CYP2E1: variants seen among roughly 807,000 people sequenced by gnomAD.
CYP2E1 encodes cytochrome P450 family 2 subfamily E member 1.
CYP2E1 carries 31 observed loss-of-function variants against 42.9 expected under a neutral mutation model. The ratio of observed to expected loss-of-function variants is 0.72; its 90% CI spans 0.54 to 0.98. CYP2E1 has a LOEUF of 0.98. Among genes scored for constraint, CYP2E1 ranks in the 50% least tolerant of loss-of-function variants. The probability of loss-of-function intolerance (pLI) is 0.00; values close to 1 mark genes in which losing one functional copy is unlikely to be tolerated. For missense variants in CYP2E1, 565 were observed against 633.2 expected, an observed-to-expected ratio of 0.89 and a Z score of 1.16; for synonymous variants, 244 against 248.9, an observed-to-expected ratio of 0.98 and a Z score of 0.19.
At chr10:133,537,380 C>A in intron 7 of CYP2E1, 130 bp downstream of exon 7, 2 of 852,462 alleles carry the variant, frequency 2.3e-6, no homozygotes, top group East Asian at 2.6e-5. Flanking sequence ...AAGGGCTGGC[C>A]CCACTCCCAC....
At position 133,539,082 on chromosome 10, in the gene CYP2E1, C is replaced by A; in HGVS notation, c.*118C>A. On this transcript the variant is annotated 3_prime_UTR_variant, in exon 9 of 9. Transcript: ENST00000252945. Reference sequence around the variant, plus strand: ...ATGAGTATTTGAAAATAAATATTTTCCCAGAATATAAATAAATCATCACAT... The same window carrying A: ...ATGAGTATTTGAAAATAAATATTTTACCAGAATATAAATAAATCATCACAT... 2.8e-6 allele frequency: 2 copies of A among 718,678 alleles called. No homozygotes were observed. Among genetic ancestry groups the A allele is most frequent in the Non-Finnish European group, 4.2e-6 (2 of 471,418 alleles). The allele number at this position is 718,678 out of a possible 1,614,324, so 44.5% of individuals were successfully genotyped here. A position where few individuals can be genotyped will look rare whatever the true frequency, so the allele number is the denominator to read the frequency against.
At chr10:133,527,886 G>A (rs1235010826) in intron 1 of CYP2E1, among the ~76,000 whole-genome samples, 2 of 152,242 alleles carry the variant, frequency 1.3e-5, no homozygotes, top group Non-Finnish European at 2.9e-5. Flanking sequence ...CTCGCTGGGC[G>A]TCCGCCTGTG....
chr10:133,535,702 AT>A (rs1564849330), intron 6 of CYP2E1, among the ~76,000 whole-genome samples: 1 of 152,202 alleles, frequency 6.6e-6, no homozygotes, highest in Non-Finnish European at 1.5e-5. Flanking sequence ...TTGAACGTTT[AT>A]TAACATTTTG....
At chr10:133,528,304 C>T (rs952848210) in intron 1 of CYP2E1, 177 bp from the exon 2 acceptor site, 1 of 681,686 alleles carries the variant, frequency 1.5e-6, no homozygotes, top group Non-Finnish European at 2.4e-6. Flanking sequence ...CCTGCAGACG[C>T]AGCAGCCTCT....
At chr10:133,537,442 G>A in intron 7 of CYP2E1, 192 bp downstream of exon 7, 3 of 628,560 alleles carry the variant, frequency 4.8e-6, no homozygotes, top group Non-Finnish European at 5.4e-6. Flanking sequence ...GGTGACCAGA[G>A]AGGTGGAGGA....
In CYP2E1 at chr10:133,532,161, G is replaced by A. The variant is rs749371010; in HGVS notation, c.525G>A (p.Ala175=). 1.2e-5 allele frequency: 19 copies of A among 1,613,746 alleles called. No individual in the cohort carries two copies. The highest frequency in any genetic ancestry group is 4.4e-5 in the South Asian group (4 of 91,066). ...PFDPTFLIGC[A]PCNVIADILF... Reference sequence around the variant, plus strand: ...ACCCCACCTTCCTCATCGGCTGCGCGCCCTGCAACGTCATAGCCGACATCC... The same window carrying A: ...ACCCCACCTTCCTCATCGGCTGCGCACCCTGCAACGTCATAGCCGACATCC... Residue 175 remains alanine, a synonymous_variant, in exon 4 of 9, where the codon GCG becomes GCA. Coordinates refer to ENST00000252945, the MANE Select transcript of CYP2E1 (RefSeq NM_000773.4).
In CYP2E1 at chr10:133,532,208, A is replaced by T; in HGVS notation, c.572A>T (p.Tyr191Phe). 6.2e-7 allele frequency: 1 copy of T among 1,613,986 alleles called. No homozygotes were observed. The highest frequency in any genetic ancestry group is 8.5e-7 in the Non-Finnish European group (1 of 1,179,990). ...ADILFRKHFDYNDEKFLRLMY... is the reference protein window; with the variant it reads ...ADILFRKHFDFNDEKFLRLMY... ...ATCCTCTTCCGCAAGCATTTTGACT[A>T]CAATGATGAGAAGTTTCTAAGGCTG... is the stretch of plus-strand genomic sequence containing the variant. Residue 191 changes from tyrosine to phenylalanine, a missense_variant, in exon 4 of 9, where the codon TAC becomes TTC. By Grantham distance (22) the Tyr-to-Phe change is conservative. Coordinates refer to ENST00000252945, the MANE Select transcript of CYP2E1 (RefSeq NM_000773.4).
chr10:133,530,309 G>A (rs904597824), intron 2 of CYP2E1, among the ~76,000 whole-genome samples: 2 of 152,150 alleles, frequency 1.3e-5, no homozygotes, highest in Non-Finnish European at 2.9e-5. Context: ...GAGAAAGTTT[G>A]GTTCCCAACC....
intron 7 of CYP2E1, chr10:133,537,487 G>A (rs1851419857): frequency 1.7e-6 from 1 of 600,366 alleles, no homozygotes; most frequent in Non-Finnish European, 2.9e-6. Flanking sequence ...TAGTGCCTGG[G>A]ACTGTAGTGA....
chr10:133,537,373 G>A, intron 7 of CYP2E1, 123 bp downstream of exon 7: 1 of 943,804 alleles, frequency 1.1e-6, no homozygotes, highest in Non-Finnish European at 1.6e-6. Flanking sequence ...TGAGGGGAAG[G>A]GCTGGCCCCA....
chr10:133,537,655 C>G, intron 7 of CYP2E1, 96 bp from the exon 8 acceptor site: 2 of 1,054,762 alleles, frequency 1.9e-6, no homozygotes, highest in Non-Finnish European at 2.8e-6. Context: ...TCCTATATAG[C>G]ATAATATTCA....
rs1433319688 is a variant in CYP2E1 at position 133,532,724 on chromosome 10, C to A, written c.681C>A (p.Tyr227Ter). 1 of 1,609,536 alleles carries A rather than the reference C, an allele frequency of 6.2e-7. No individual in the cohort carries two copies. Among genetic ancestry groups the A allele is most frequent in the Admixed American group, 1.7e-5 (1 of 58,878 alleles). Reference protein sequence around the residue: ...LYNNFPSFLHYLPGSHRKVIK... With the variant: ...LYNNFPSFLH ...ATAATTTTCCCAGCTTTCTACACTACTTGCCTGGAAGCCACAGAAAAGTCA... is the reference window on the plus strand; with the variant it reads ...ATAATTTTCCCAGCTTTCTACACTAATTGCCTGGAAGCCACAGAAAAGTCA... Residue 227 changes from tyrosine (Y) to a stop codon, truncating the protein, a stop_gained, in exon 5 of 9, where the codon TAC (tyrosine) becomes TAA (stop). Transcript: ENST00000252945. LOFTEE classifies it high-confidence loss of function.
chr10:133,534,841 CCTT>C (rs969368319), intron 6 of CYP2E1, among the ~76,000 whole-genome samples: 26 of 149,496 alleles, frequency 1.7e-4, no homozygotes, highest in Admixed American at 8.1e-4. Flanking sequence ...CTTGTTCTTT[CCTT>C]CTTCTTCTTC....
chr10:133,533,699 C>T, intron 5 of CYP2E1, 57 bp from the exon 6 acceptor site: 1 of 1,594,762 alleles, frequency 6.3e-7, no homozygotes. Context: ...GTGGCTGGTT[C>T]TGTGCTGAAA....
intron 2 of CYP2E1, among the ~76,000 whole-genome samples, chr10:133,530,482 C>T (rs1014094386): frequency 2.0e-5 from 3 of 152,136 alleles, no homozygotes; most frequent in Admixed American, 2.0e-4. Flanking sequence ...CCTGCCCCAC[C>T]CACCTCATCT....
At chr10:133,531,866 G>C (rs1851342334) in intron 3 of CYP2E1, 132 bp downstream of exon 3, 3 of 974,970 alleles carry the variant, frequency 3.1e-6, no homozygotes, top group African/African-American at 1.6e-5. Context: ...TGAGTCCCCA[G>C]ATACTGCATT....
At chr10:133,534,929 A>G (rs1238810979) in intron 6 of CYP2E1, among the ~76,000 whole-genome samples, 1 of 151,528 alleles carries the variant, frequency 6.6e-6, no homozygotes, top group Admixed American at 6.6e-5. Flanking sequence ...CGGTGATGCA[A>G]TCATGGCTCA....
At chr10:133,527,724 A>C in intron 1 of CYP2E1, 152 bp downstream of exon 1, 6 of 642,938 alleles carry the variant, frequency 9.3e-6, no homozygotes, top group Middle Eastern at 3.6e-4. Flanking sequence ...GACACTCAAA[A>C]TGTGTCGCCT....
chr10:133,531,860 TC>T, intron 3 of CYP2E1, 126 bp downstream of exon 3: 1 of 1,019,746 alleles, frequency 9.8e-7, no homozygotes, highest in Non-Finnish European at 1.4e-6. Flanking sequence ...GTCTCGTGAG[TC>T]CCCAGATACT....
Sources: allele counts gnomAD v4.1 joint callset (sites outside exome capture counted in the v4.1 genomes callset), GRCh38; gene constraint gnomAD v4.1.1; transcripts MANE v1.5; gene names NCBI Gene and HGNC (gene_info 2026-07-23, HGNC 2026-07-21).